The following STAT5B variants were observed in gnomAD, a reference collection of about 807,000 sequenced individuals.
STAT5B encodes the protein signal transducer and activator of transcription 5B.
In STAT5B, 21 loss-of-function variants were observed where a neutral mutation model predicts 107.8. The ratio of observed to expected loss-of-function variants is 0.19; its 90% CI spans 0.14 to 0.28. The LOEUF is 0.28. Among genes scored for constraint, STAT5B ranks in the 10% least tolerant of loss-of-function variants. The probability of loss-of-function intolerance (pLI) is 1.00; values close to 1 mark genes in which losing one functional copy is unlikely to be tolerated. For synonymous variants in STAT5B, 325 were observed against 401.7 expected (o/e 0.81, Z 2.28); for missense variants, 565 against 1,008.2 (o/e 0.56, Z 5.95).
rs1325539768 is a variant in STAT5B, at chr17:42,219,340, C to T, written c.805G>A (p.Glu269Lys). 2.1e-6 allele frequency: 3 copies of T among 1,461,094 alleles called. No individual in the cohort carries two copies. Among genetic ancestry groups the T allele is most frequent in the Non-Finnish European group, 2.7e-6 (3 of 1,108,810 alleles). The allele number at this position is 1,461,094 out of a possible 1,614,324, so 90.5% of individuals were successfully genotyped here. A position where few individuals can be genotyped will look rare whatever the true frequency, so the allele number is the denominator to read the frequency against. The part of the protein sequence containing the change: ...QQLAGNGGPP[E>K]GSLDVLQSWC... The stretch of plus-strand genomic sequence containing the variant: ...GACTGTAGCACGTCCAGGCTGCCCT[C>T]GGGGGGCCCGCCGTTCCCGGCCAGC... Residue 269 changes from glutamate to lysine, a missense_variant, in exon 7 of 19, where the codon GAG becomes AAG. By Grantham distance (56) the Glu-to-Lys change is moderately conservative. This residue lies in a region of STAT5B where 5 missense variants were observed against 54.8 expected (regional missense o/e 0.09). Transcript: ENST00000293328.
intron 1 of STAT5B, among the ~76,000 whole-genome samples, chr17:42,236,958 G>A (rs1023192124): frequency 1.3e-5 from 2 of 152,166 alleles, no homozygotes; most frequent in African/African-American, 4.8e-5. Context: ...TTCAGTGCGT[G>A]ATGCTCAGAC....
chr17:42,218,608 T>A, intron 8 of STAT5B, 115 bp downstream of exon 8: 1 of 1,578,760 alleles, frequency 6.3e-7, no homozygotes, highest in Non-Finnish European at 8.6e-7. Context: ...GAGATGGAGT[T>A]GGGAGGGATG....
intron 1 of STAT5B, among the ~76,000 whole-genome samples, chr17:42,257,148 T>G (rs904834995): frequency 6.6e-6 from 1 of 152,296 alleles, no homozygotes; most frequent in East Asian, 1.9e-4. Flanking sequence ...AAAACAGACA[T>G]GCTTTATGTA....
intron 1 of STAT5B, among the ~76,000 whole-genome samples, chr17:42,262,210 G>A (rs749695196): frequency 1.3e-5 from 2 of 151,918 alleles, no homozygotes; most frequent in Non-Finnish European, 2.9e-5. Context: ...ACCCAGGCTA[G>A]AGTACAGTGG....
chr17:42,281,555 C>T (rs963475777), upstream of STAT5B, among the ~76,000 whole-genome samples: 1 of 152,212 alleles, frequency 6.6e-6, no homozygotes, highest in Non-Finnish European at 1.5e-5. Context: ...TTCTTTCCCT[C>T]AGCCTAATCC....
upstream of STAT5B, chr17:42,276,501 C>T (rs1279946820): frequency 6.7e-6 from 1 of 150,372 alleles, no homozygotes; most frequent in Non-Finnish European, 1.5e-5. This position sits in a 1 kb window ranked among gnomAD's most constrained non-coding sequence, Gnocchi z 4.8. Context: ...TGGTTCCGCC[C>T]GGCGCGCGCT....
At chr17:42,275,845 T>A (rs895757339) in intron 1 of STAT5B, among the ~76,000 whole-genome samples, 2 of 151,506 alleles carry the variant, frequency 1.3e-5, no homozygotes, top group South Asian at 4.2e-4. Flanking sequence ...AAGAAAGAAG[T>A]TAAAGCAAGG....
intron 1 of STAT5B, among the ~76,000 whole-genome samples, chr17:42,244,737 G>C (rs1047629633): frequency 4.6e-5 from 7 of 152,002 alleles, no homozygotes; most frequent in African/African-American, 1.7e-4. Context: ...AATTCCCAGG[G>C]ATATATACCG....
intron 16 of STAT5B, 70 bp from the exon 17 acceptor site, chr17:42,202,878 AC>A: frequency 6.3e-7 from 1 of 1,586,820 alleles, no homozygotes; most frequent in Middle Eastern, 1.7e-4. Flanking sequence ...CTTATGAATC[AC>A]ATCTTTTCTT....
rs386465685 is a variant in STAT5B at position 42,252,882 on chromosome 17, C to A, written c.-10-20745G>T. On this transcript the variant is annotated intron_variant, in intron 1 of 18. Transcript: ENST00000293328. ...TTCCAAAGAAAGGATCTTCTCTAAG[C>A]AAACTAACCTTTCTTTTAATTATAT... 3.7e-4 allele frequency among the ~76,000 whole-genome samples: 56 copies of A among 152,326 alleles called. 1 individual carries two copies. Among genetic ancestry groups the A allele is most frequent in the Non-Finnish European group, 6.9e-4 (47 of 68,030 alleles).
Position 42,233,672 on chromosome 17 carries a change from A to AT in STAT5B, c.-10-1536_-10-1535insA, listed in dbSNP as rs1407640910. ...CGCCCGGATAATTTTTTGTACTTTT[A>AT]GCAGAGATGGGGTTTCACCGTGTTA... On this transcript the variant is annotated intron_variant, in intron 1 of 18. Transcript: ENST00000293328. Among the ~76,000 whole-genome samples the AT allele has an allele frequency of 3.3e-5, 5 of 152,068 alleles. No individual in the cohort carries two copies. In the East Asian group the frequency reaches 7.7e-4, roughly 23 times the overall value.
chr17:42,277,537 A>G (rs1270251558), upstream of STAT5B, among the ~76,000 whole-genome samples: 1 of 152,164 alleles, frequency 6.6e-6, no homozygotes, highest in Non-Finnish European at 1.5e-5. Context: ...TACCCAGGCC[A>G]CTGCTGCAGT....
intron 1 of STAT5B, among the ~76,000 whole-genome samples, chr17:42,245,982 G>C (rs1329979619): frequency 6.6e-6 from 1 of 152,094 alleles, no homozygotes; most frequent in Non-Finnish European, 1.5e-5. Flanking sequence ...TTTTAGAGTA[G>C]AAATAAAAGA....
intron 2 of STAT5B, among the ~76,000 whole-genome samples, chr17:42,228,808 C>A (rs914774923): frequency 6.6e-6 from 1 of 152,156 alleles, no homozygotes; most frequent in Non-Finnish European, 1.5e-5. Context: ...GCGGCATGTG[C>A]CTGTAGTCCC....
intron 15 of STAT5B, among the ~76,000 whole-genome samples, chr17:42,208,873 A>G (rs145514085): frequency 0.018 from 2,692 of 152,034 alleles, 33 homozygotes; most frequent in Non-Finnish European, 0.027. Context: ...CTGGGACTAC[A>G]GGTGCCCACA....
At chr17:42,279,606 GGAGAAACCTCGTCTTTAC>G (rs1350220284), upstream of STAT5B, among the ~76,000 whole-genome samples, 1 of 152,120 alleles carries the variant, frequency 6.6e-6, no homozygotes, top group African/African-American at 2.4e-5. Flanking sequence ...TAACCAACGT[GGAGAAACCTCGTCTTTAC>G]TAAAAATACA....
At chr17:42,216,162 T>C (rs1598301308) in intron 11 of STAT5B, 56 bp from the exon 12 acceptor site, 2 of 1,433,662 alleles carry the variant, frequency 1.4e-6, no homozygotes, top group South Asian at 1.3e-5. Context: ...CTTCTCCTTC[T>C]CTCTTTTTTT....
intron 10 of STAT5B, 41 bp downstream of exon 10, chr17:42,217,336 G>T: frequency 1.9e-6 from 3 of 1,614,200 alleles, no homozygotes; most frequent in Non-Finnish European, 2.5e-6. Context: ...TCCCCTCAAA[G>T]ACCAGGGAAA....
intron 1 of STAT5B, among the ~76,000 whole-genome samples, chr17:42,263,388 T>C (rs1251817645): frequency 6.6e-6 from 1 of 152,156 alleles, no homozygotes; most frequent in Non-Finnish European, 1.5e-5. Context: ...CTCTTTTTTC[T>C]GCTTCTAAAA....
Sources: gnomAD v4.1 joint callset for allele counts (sites outside exome capture counted in the v4.1 genomes callset) on GRCh38, gnomAD v4.1.1 for gene constraint, gnomAD v4.1.1 regional missense constraint, Gnocchi (gnomAD v3.1) non-coding constraint, MANE v1.5 for transcripts, NCBI Gene and HGNC (gene_info 2026-07-23, HGNC 2026-07-21) for gene names.